SLC25A13: variants seen among roughly 807,000 people sequenced by gnomAD.
SLC25A13 encodes solute carrier family 25 member 13.
Under a neutral mutation model 85.5 loss-of-function variants are expected in SLC25A13, and 70 were observed. The observed-to-expected ratio is 0.82, with a 90% CI of 0.68 to 1.00. The LOEUF is 1.00. Ranked by LOEUF, SLC25A13 falls within the 50% of genes least tolerant of loss-of-function variation. The pLI is 0.00. For synonymous variants in SLC25A13, 259 were observed against 288.7 expected (o/e 0.90, Z 1.04); for missense variants, 765 against 819.8 (o/e 0.93, Z 0.82).
intron 3 of SLC25A13, among the ~76,000 whole-genome samples, chr7:96,241,453 A>C (rs578255744): frequency 1.3e-5 from 2 of 152,378 alleles, no homozygotes; most frequent in Admixed American, 1.3e-4. Flanking sequence ...TATGCAGGAT[A>C]CTATCCAACC....
rs138094550 is a variant in SLC25A13 at position 96,189,345 on chromosome 7, A to G, written c.882T>C (p.Ala294=). The G allele has an allele frequency of 9.4e-5, 151 of 1,614,220 alleles. No individual in the cohort carries two copies. The highest frequency in any genetic ancestry group is 5.5e-4 in the African/African-American group (41 of 75,066). ...RMTLADIERI[A]PLEEGTLPFN... Reference sequence around the variant, plus strand: ...AGGGCAGAGTTCCCTCTTCCAGAGGAGCAATCCGTTCAATGTCTGCTAAGG... The same window carrying G: ...AGGGCAGAGTTCCCTCTTCCAGAGGGGCAATCCGTTCAATGTCTGCTAAGG... Residue 294 remains alanine, a synonymous_variant, in exon 9 of 18, where the codon GCT becomes GCC. Transcript: ENST00000265631.
intron 15 of SLC25A13, among the ~76,000 whole-genome samples, chr7:96,128,946 C>CTCTCTCTCTCTA (rs1791877228): frequency 7.3e-6 from 1 of 137,000 alleles, no homozygotes; most frequent in African/African-American, 2.9e-5. Context: ...CTTGCTCTCT[C>CTCTCTCTCTCTA]TCTCTCTCTC....
At chr7:96,199,751 C>A (rs1172626959) in intron 5 of SLC25A13, among the ~76,000 whole-genome samples, 1 of 152,042 alleles carries the variant, frequency 6.6e-6, no homozygotes, top group Non-Finnish European at 1.5e-5. Context: ...TCAACACACC[C>A]ATTCAGACTG....
At chr7:96,137,844 T>C (rs1562787169) in intron 14 of SLC25A13, among the ~76,000 whole-genome samples, 1 of 152,188 alleles carries the variant, frequency 6.6e-6, no homozygotes, top group Admixed American at 6.5e-5. Flanking sequence ...AGGATGGTCC[T>C]GACCTTTTGA....
At chr7:96,206,875 C>CTT (rs762796514) in intron 5 of SLC25A13, among the ~76,000 whole-genome samples, 38 of 152,304 alleles carry the variant, frequency 2.5e-4, no homozygotes, top group Middle Eastern at 6.8e-3. Context: ...ATAATTGACA[C>CTT]TTGCTTAGAG....
At chr7:96,265,275 A>T (rs1798006028) in intron 3 of SLC25A13, among the ~76,000 whole-genome samples, 1 of 152,204 alleles carries the variant, frequency 6.6e-6, no homozygotes, top group Non-Finnish European at 1.5e-5. Context: ...CTGTTTCTCT[A>T]TATTATGCAG....
chr7:96,314,264 A>G (rs12704845), intron 1 of SLC25A13, among the ~76,000 whole-genome samples: 98,674 of 151,826 alleles, frequency 0.65, 32,346 homozygotes, highest in Non-Finnish European at 0.67. Flanking sequence ...GGCGAGAAAG[A>G]AAGGGTAGGA....
At chr7:96,253,211 G>A (rs570677048) in intron 3 of SLC25A13, among the ~76,000 whole-genome samples, 1 of 152,294 alleles carries the variant, frequency 6.6e-6, no homozygotes, top group South Asian at 2.1e-4. Flanking sequence ...GTGCAATTAT[G>A]AGGAGTTTTT....
intron 14 of SLC25A13, among the ~76,000 whole-genome samples, chr7:96,134,799 AT>A (rs1792197457): frequency 7.0e-6 from 1 of 143,124 alleles, no homozygotes; most frequent in East Asian, 2.3e-4. Flanking sequence ...AATTTTATAT[AT>A]ATATATATAT....
chr7:96,308,741 G>C (rs1242525451), intron 1 of SLC25A13, among the ~76,000 whole-genome samples: 1 of 152,068 alleles, frequency 6.6e-6, no homozygotes. Flanking sequence ...AATTTAAAAA[G>C]TGAATATAAA....
intron 2 of SLC25A13, among the ~76,000 whole-genome samples, chr7:96,280,301 T>C (rs986900430): frequency 1.3e-5 from 2 of 152,330 alleles, no homozygotes; most frequent in African/African-American, 4.8e-5. Context: ...AAAAAAGACA[T>C]TGAATTATTT....
intron 3 of SLC25A13, among the ~76,000 whole-genome samples, chr7:96,270,495 C>T (rs988078622): frequency 6.6e-6 from 1 of 150,480 alleles, no homozygotes; most frequent in African/African-American, 2.5e-5. Flanking sequence ...GCAGAGGTTG[C>T]AATGATCTGA....
intron 1 of SLC25A13, among the ~76,000 whole-genome samples, chr7:96,303,502 C>T (rs769432629): frequency 4.6e-5 from 7 of 152,112 alleles, no homozygotes; most frequent in African/African-American, 7.2e-5. Flanking sequence ...TGTAACCTAA[C>T]CACTTAGAAG....
At chr7:96,195,923 C>A (rs1795043193) in intron 5 of SLC25A13, among the ~76,000 whole-genome samples, 1 of 152,214 alleles carries the variant, frequency 6.6e-6, no homozygotes, top group African/African-American at 2.4e-5. Context: ...ACATCATAAT[C>A]AGTTATTCAC....
chr7:96,243,690 T>C lies in SLC25A13; in HGVS notation c.213-8773A>G, dbSNP rs1348311257. 2.0e-5 allele frequency among the ~76,000 whole-genome samples: 3 copies of C among 152,136 alleles called. No homozygotes were observed. The East Asian group carries it at 5.8e-4, about 29-fold the overall frequency. The stretch of plus-strand genomic sequence containing the variant: ...TGGTGAGGAGGTATTGAGATCTGAA[T>C]GGTGAAAAGCAGCGGCCAGGAAAAG... On this transcript the variant is annotated intron_variant, in intron 3 of 17. Coordinates refer to ENST00000265631, the MANE Select transcript of SLC25A13 (RefSeq NM_014251.3).
rs537701508 is a variant in SLC25A13, at chr7:96,141,543, AG to A, written c.1452+5012del. Reference sequence around the variant, plus strand: ...TTAGGAGAGTCAAGAGACAAAATAAAGAAAGCCCTGAAGAGGCTTTCACAGA... The same window carrying A: ...TTAGGAGAGTCAAGAGACAAAATAAAAAAGCCCTGAAGAGGCTTTCACAGA... On this transcript the variant is annotated intron_variant, in intron 14 of 17. Coordinates refer to ENST00000265631, the MANE Select transcript of SLC25A13 (RefSeq NM_014251.3). Among the ~76,000 whole-genome samples the A allele has an allele frequency of 5.3e-5, 8 of 152,212 alleles. No homozygotes were observed. In the South Asian group the frequency reaches 1.7e-3, roughly 32 times the overall value.
intron 1 of SLC25A13, among the ~76,000 whole-genome samples, chr7:96,307,983 C>A (rs894676360): frequency 1.3e-4 from 19 of 151,880 alleles, no homozygotes; most frequent in African/African-American, 4.1e-4. Flanking sequence ...GAAACTCAGT[C>A]TCTACTAAAA....
intron 3 of SLC25A13, among the ~76,000 whole-genome samples, chr7:96,235,324 C>T (rs986427490): frequency 4.6e-5 from 7 of 151,974 alleles, no homozygotes; most frequent in African/African-American, 1.5e-4. Flanking sequence ...ATGCAAAAAA[C>T]GGTTCACAGA....
At chr7:96,236,477 G>GTTT (rs1796749187) in intron 3 of SLC25A13, among the ~76,000 whole-genome samples, 1 of 152,142 alleles carries the variant, frequency 6.6e-6, no homozygotes. Flanking sequence ...AGCACTAAGG[G>GTTT]GCATAAAAGG....
Sources: gnomAD v4.1 joint callset for allele counts (sites outside exome capture counted in the v4.1 genomes callset) on GRCh38, gnomAD v4.1.1 for gene constraint, MANE v1.5 for transcripts, NCBI Gene and HGNC (gene_info 2026-07-23, HGNC 2026-07-21) for gene names.